The following TRHDE variants were observed in gnomAD, a reference collection of about 807,000 sequenced individuals.
TRHDE encodes the protein thyrotropin releasing hormone degrading enzyme, also known as thyrotropin-releasing hormone-degrading ectoenzyme.
TRHDE carries 72 observed loss-of-function variants against 125.7 expected under a neutral mutation model. The ratio of observed to expected loss-of-function variants is 0.57; its 90% CI spans 0.47 to 0.70. TRHDE has a LOEUF of 0.70. Ranked by LOEUF, TRHDE falls within the 30% of genes least tolerant of loss-of-function variation. The probability of loss-of-function intolerance (pLI) is 0.00; values close to 1 mark genes in which losing one functional copy is unlikely to be tolerated. For missense variants in TRHDE, 1,110 were observed against 1,327.1 expected (o/e 0.84, Z 2.54); for synonymous variants, 509 against 509.1 (o/e 1.00, Z 0.00).
At chr12:72,230,238 A>G (rs1327627635) in intron 2 of TRHDE, among the ~76,000 whole-genome samples, 1 of 152,204 alleles carries the variant, frequency 6.6e-6, no homozygotes. Flanking sequence ...TGGGTCATTA[A>G]TAATGCTCTT....
intron 2 of TRHDE, among the ~76,000 whole-genome samples, chr12:72,225,373 T>A (rs1341634640): frequency 6.6e-6 from 1 of 152,172 alleles, no homozygotes; most frequent in Non-Finnish European, 1.5e-5. Context: ...TAAAAATCTA[T>A]TGTTTATTAA....
chr12:72,513,113 G>A (rs1324490344), intron 6 of TRHDE, among the ~76,000 whole-genome samples: 2 of 152,100 alleles, frequency 1.3e-5, no homozygotes, highest in Non-Finnish European at 2.9e-5. Flanking sequence ...ATGTTCAGAA[G>A]CATTAGTACA....
At chr12:72,455,121 G>A (rs1413795601) in intron 3 of TRHDE, among the ~76,000 whole-genome samples, 3 of 152,116 alleles carry the variant, frequency 2.0e-5, no homozygotes, top group African/African-American at 7.2e-5. Context: ...TAAAGTCTCA[G>A]AGTCAATGGT....
At chr12:72,573,648 C>T (rs1329692616) in intron 10 of TRHDE, among the ~76,000 whole-genome samples, 1 of 151,948 alleles carries the variant, frequency 6.6e-6, no homozygotes, top group African/African-American at 2.4e-5. Flanking sequence ...TTCTTGTACT[C>T]TAGTACTCTT....
At chr12:72,620,974 T>A in intron 13 of TRHDE, 134 bp from the exon 14 acceptor site, 1 of 494,896 alleles carries the variant, frequency 2.0e-6, no homozygotes, top group Non-Finnish European at 3.6e-6. Context: ...AGAACATTAC[T>A]GTACTTATAA....
intron 2 of TRHDE, among the ~76,000 whole-genome samples, chr12:72,228,348 T>C (rs191974912): frequency 6.6e-6 from 1 of 152,324 alleles, no homozygotes; most frequent in African/African-American, 2.4e-5. Context: ...TTGGGGCTTG[T>C]ACCCTCTGAA....
In TRHDE at chr12:72,575,624, T is replaced by C. The variant is rs912456117; in HGVS notation, c.2321+82T>C. 8 of 1,270,018 alleles carry C rather than the reference T, an allele frequency of 6.3e-6. No individual in the cohort carries two copies. The African/African-American group carries it at 1.0e-4, about 17-fold the overall frequency. 78.7% of individuals were successfully genotyped at this position (1,270,018 alleles called of 1,614,324 possible). A position where few individuals can be genotyped will look rare whatever the true frequency, so the allele number is the denominator to read the frequency against. ...TTAAACTGCATAATATGTATATGTC[T>C]TTTATTTAGGACATTTAAAAAAATC... is the stretch of plus-strand genomic sequence containing the variant. On this transcript the variant is annotated intron_variant, in intron 12 of 18. Coordinates refer to ENST00000261180, the MANE Select transcript of TRHDE (RefSeq NM_013381.3).
At chr12:72,556,664 C>A (rs1046836620) in intron 7 of TRHDE, among the ~76,000 whole-genome samples, 4 of 152,204 alleles carry the variant, frequency 2.6e-5, no homozygotes, top group Non-Finnish European at 5.9e-5. Flanking sequence ...ATTTTGCCTT[C>A]TTCCCAGATT....
chr12:72,654,602 A>G (rs1874634586), intron 17 of TRHDE, among the ~76,000 whole-genome samples: 1 of 152,158 alleles, frequency 6.6e-6, no homozygotes, highest in Non-Finnish European at 1.5e-5. Context: ...CTGCAAAGCT[A>G]AATGGGTGAT....
At chr12:72,375,942 C>T (rs943788700) in intron 2 of TRHDE, among the ~76,000 whole-genome samples, 1 of 152,188 alleles carries the variant, frequency 6.6e-6, no homozygotes, top group Non-Finnish European at 1.5e-5. Flanking sequence ...ATCCCTTTTC[C>T]TGTTTGGTAT....
At chr12:72,656,845 A>C (rs1161458951) in intron 17 of TRHDE, 82 bp from the exon 18 acceptor site, 1 of 968,842 alleles carries the variant, frequency 1.0e-6, no homozygotes, top group East Asian at 2.6e-5. Flanking sequence ...CGAACCCTTG[A>C]GAAAACTCTA....
At chr12:72,192,910 G>A (rs960550644) in intron 2 of TRHDE, among the ~76,000 whole-genome samples, 1 of 152,088 alleles carries the variant, frequency 6.6e-6, no homozygotes, top group Admixed American at 6.6e-5. Context: ...TAGCCAGTGA[G>A]TGAGGTGGTT....
At chr12:72,476,137 G>A (rs935841012) in intron 5 of TRHDE, among the ~76,000 whole-genome samples, 18 of 152,086 alleles carry the variant, frequency 1.2e-4, no homozygotes, top group Non-Finnish European at 2.1e-4. Flanking sequence ...GGCTGCTCTC[G>A]AACTCCTGAC....
intron 2 of TRHDE, among the ~76,000 whole-genome samples, chr12:72,119,295 A>T (rs1875521711): frequency 6.6e-6 from 1 of 152,014 alleles, no homozygotes; most frequent in African/African-American, 2.4e-5. Context: ...TCATTTACTC[A>T]CTGGTCACTC....
chr12:72,426,051 A>G lies in TRHDE; in HGVS notation c.1316-43707A>G, dbSNP rs748413238. Among the ~76,000 whole-genome samples, 153 of 152,206 alleles carry G rather than the reference A, an allele frequency of 1.0e-3. 1 individual carries two copies. Among genetic ancestry groups the G allele is most frequent in the Non-Finnish European group, 4.3e-4 (29 of 67,982 alleles). On this transcript the variant is annotated intron_variant, in intron 3 of 18. Coordinates refer to ENST00000261180, the MANE Select transcript of TRHDE (RefSeq NM_013381.3). ...AGGGATGATGCTCACATTATTAAGG[A>G]CTCATTTGCTATAGTGTGCAGTAAA...
At chr12:72,510,422 C>T (rs1878536230) in intron 6 of TRHDE, among the ~76,000 whole-genome samples, 1 of 151,986 alleles carries the variant, frequency 6.6e-6, no homozygotes, top group South Asian at 2.1e-4. Context: ...TACTTTTTGC[C>T]ACTGGACATC....
chr12:72,572,218 T>A (rs576603261), intron 10 of TRHDE, among the ~76,000 whole-genome samples: 13 of 152,268 alleles, frequency 8.5e-5, no homozygotes, highest in Admixed American at 7.9e-4. Context: ...AAAAAATTTT[T>A]AAATTCCAAT....
intron 15 of TRHDE, among the ~76,000 whole-genome samples, chr12:72,644,051 A>G (rs191225521): frequency 6.6e-6 from 1 of 152,302 alleles, no homozygotes; most frequent in Non-Finnish European, 1.5e-5. Flanking sequence ...TAGAGCAGGA[A>G]GCACTAGATT....
intron 6 of TRHDE, among the ~76,000 whole-genome samples, chr12:72,518,593 T>C (rs1879006947): frequency 6.6e-6 from 1 of 152,156 alleles, no homozygotes; most frequent in Non-Finnish European, 1.5e-5. Flanking sequence ...TCTTGACTCT[T>C]TATCCAATTT....
Sources: allele counts gnomAD v4.1 joint callset (sites outside exome capture counted in the v4.1 genomes callset), GRCh38; gene constraint gnomAD v4.1.1; transcripts MANE v1.5; gene names NCBI Gene and HGNC (gene_info 2026-07-23, HGNC 2026-07-21).